Variants in PCNX1 observed in about 807,000 individuals in gnomAD.
PCNX1 encodes pecanex-like protein 1.
Under a neutral mutation model 242.2 loss-of-function variants are expected in PCNX1, and 78 were observed. The observed-to-expected ratio is 0.32, with a 90% CI of 0.27 to 0.39. The LOEUF is 0.39. PCNX1 is among the 10% of genes least tolerant of loss of function. The pLI is 1.00. For missense variants in PCNX1, 2,581 were observed against 2,856.5 expected (o/e 0.90, Z 2.20); for synonymous variants, 1,024 against 1,032.9 (o/e 0.99, Z 0.17).
rs979804164 is a variant in PCNX1, at chr14:71,035,115, G to T, written c.3775-950G>T. ...TAATTCAGCTACTTGGGAGACTAAG[G>T]CTGGAGGATCCCCTGAGCTCAGGGG... On this transcript the variant is annotated intron_variant, in intron 18 of 35. Transcript: ENST00000304743. Among the ~76,000 whole-genome samples, 14 of 152,134 alleles carry T rather than the reference G, an allele frequency of 9.2e-5. No individual in the cohort carries two copies. The East Asian group carries it at 2.3e-3, about 25-fold the overall frequency.
At chr14:71,035,034 C>T (rs1047825564) in intron 18 of PCNX1, among the ~76,000 whole-genome samples, 3 of 152,040 alleles carry the variant, frequency 2.0e-5, no homozygotes, top group Admixed American at 6.6e-5. Flanking sequence ...ATAAGTTATC[C>T]AAAGGGATAT....
Position 70,977,122 on chromosome 14 carries a change from A to G in PCNX1, c.785A>G (p.Glu262Gly), listed in dbSNP as rs2058711788. The G allele has an allele frequency of 1.2e-6, 2 of 1,614,196 alleles. No homozygotes were observed. Among genetic ancestry groups the G allele is most frequent in the Non-Finnish European group, 8.5e-7 (1 of 1,180,018 alleles). ...TCTCTGTCCAGCGCCTGTGACACAG[A>G]AGTAGCTTCTCTTGTACCTTTACAC... ...DQSLSSACDTEVASLVPLHSH... is the reference protein window; with the variant it reads ...DQSLSSACDTGVASLVPLHSH... Residue 262 changes from glutamate to glycine, a missense_variant, in exon 6 of 36, where the codon GAA becomes GGA. Glu to Gly is a moderately conservative substitution (Grantham distance 98). Transcript: ENST00000304743.
intron 7 of PCNX1, among the ~76,000 whole-genome samples, chr14:70,991,622 TTAAA>T (rs1413155467): frequency 2.6e-5 from 4 of 152,202 alleles, no homozygotes; most frequent in Non-Finnish European, 5.9e-5. Context: ...TGCATATATC[TTAAA>T]TAAGCTGATT....
At chr14:70,934,171 G>A (rs777422977) in intron 1 of PCNX1, among the ~76,000 whole-genome samples, 2 of 152,270 alleles carry the variant, frequency 1.3e-5, no homozygotes, top group African/African-American at 2.4e-5. Flanking sequence ...GATGCCAAGC[G>A]GCGTTTTCAA....
chr14:70,945,993 C>G (rs775854947), intron 1 of PCNX1, among the ~76,000 whole-genome samples: 1 of 152,220 alleles, frequency 6.6e-6, no homozygotes, highest in Non-Finnish European at 1.5e-5. Flanking sequence ...CCAGTAGTGA[C>G]TCTAGGCCTT....
At chr14:70,951,195 G>A (rs770367572) in intron 2 of PCNX1, among the ~76,000 whole-genome samples, 1 of 151,752 alleles carries the variant, frequency 6.6e-6, no homozygotes, top group African/African-American at 2.4e-5. Context: ...TTTTCATGTA[G>A]TATACTGTAT....
chr14:71,072,202 C>CA (rs940706533), intron 26 of PCNX1, among the ~76,000 whole-genome samples: 2 of 152,226 alleles, frequency 1.3e-5, no homozygotes, highest in Admixed American at 1.3e-4. Flanking sequence ...ACAAGGTTGT[C>CA]AAAAACCTTC....
At chr14:71,065,641 T>C (rs1382306669) in intron 26 of PCNX1, among the ~76,000 whole-genome samples, 1 of 152,242 alleles carries the variant, frequency 6.6e-6, no homozygotes, top group Non-Finnish European at 1.5e-5. Flanking sequence ...TTGTCTATTT[T>C]GGCTTTTGTT....
At chr14:71,020,172 C>T (rs2060062624) in intron 12 of PCNX1, among the ~76,000 whole-genome samples, 1 of 152,158 alleles carries the variant, frequency 6.6e-6, no homozygotes, top group Non-Finnish European at 1.5e-5. Flanking sequence ...TTTCTTTATC[C>T]AGTCTATCAT....
intron 19 of PCNX1, among the ~76,000 whole-genome samples, chr14:71,041,584 T>C (rs1474994187): frequency 6.6e-6 from 1 of 152,086 alleles, no homozygotes; most frequent in African/African-American, 2.4e-5. Flanking sequence ...TTTGGGTATT[T>C]CTTTCTTTTT....
chr14:70,996,378 A>G (rs2059351737), intron 8 of PCNX1, among the ~76,000 whole-genome samples: 1 of 152,196 alleles, frequency 6.6e-6, no homozygotes, highest in South Asian at 2.1e-4. Context: ...TATGTTCGTC[A>G]TCTGTAGTAG....
chr14:71,065,887 T>C (rs1048000167), intron 26 of PCNX1, among the ~76,000 whole-genome samples: 4 of 152,226 alleles, frequency 2.6e-5, no homozygotes, highest in Non-Finnish European at 2.9e-5. Context: ...TCCCCATTGC[T>C]TGTTTTTGTC....
rs1398602247 is a variant in PCNX1, at chr14:71,051,868, C to CT, written c.4448-14dup. The CT allele has an allele frequency of 2.5e-6, 4 of 1,609,324 alleles. No individual in the cohort carries two copies. In the African/African-American group the frequency reaches 5.4e-5, roughly 22 times the overall value. On this transcript the variant is annotated splice_polypyrimidine_tract_variant and intron_variant, in intron 23 of 35. Coordinates refer to ENST00000304743, the MANE Select transcript of PCNX1 (RefSeq NM_014982.3). Reference sequence around the variant, plus strand: ...CTCAGATGAATGTCAGTGTCCTTAACTAGTTTTCCCATAGATTCAGCCATG... The same window carrying CT: ...CTCAGATGAATGTCAGTGTCCTTAACTTAGTTTTCCCATAGATTCAGCCATG...
At chr14:70,942,363 T>A (rs1048959077) in intron 1 of PCNX1, among the ~76,000 whole-genome samples, 2 of 152,232 alleles carry the variant, frequency 1.3e-5, no homozygotes, top group Non-Finnish European at 2.9e-5. Flanking sequence ...GTAAATTTAG[T>A]ATTCATTTTT....
chr14:70,919,139 C>T (rs2056269173), intron 1 of PCNX1, among the ~76,000 whole-genome samples: 1 of 152,078 alleles, frequency 6.6e-6, no homozygotes, highest in South Asian at 2.1e-4. Flanking sequence ...CTGCCTCAGC[C>T]TCCAGAGTCA....
chr14:71,082,389 C>T lies in PCNX1; in HGVS notation c.5338-5941C>T, dbSNP rs150928946. Among the ~76,000 whole-genome samples, 1,265 of 152,204 alleles carry T rather than the reference C, an allele frequency of 8.3e-3. 10 individuals are homozygous for T. Among genetic ancestry groups the T allele is most frequent in the African/African-American group, 0.029 (1,191 of 41,518 alleles). ...TCTATTAGGTCTGCTTGGTCCAGAG[C>T]GGAGTTCAAGTCCTGAATATCCTTG... On this transcript the variant is annotated intron_variant, in intron 28 of 35. Coordinates refer to ENST00000304743, the MANE Select transcript of PCNX1 (RefSeq NM_014982.3).
Position 71,108,824 on chromosome 14 carries a change from A to G in PCNX1, c.6522A>G (p.Gln2174=), listed in dbSNP as rs1159528348. ...SIQSRLSMVN[Q]MEPSGQSGLA... is the part of the protein sequence containing the mutation. ...AATCCCGACTGTCGATGGTGAACCAAATGGAACCCTCAGGTCAGAGCGGCC... is the reference window on the plus strand; with the variant it reads ...AATCCCGACTGTCGATGGTGAACCAGATGGAACCCTCAGGTCAGAGCGGCC... The change falls in exon 34 of 36, where the codon CAA becomes CAG. Residue 2174 remains glutamine (Q), a synonymous_variant. Coordinates refer to ENST00000304743, the MANE Select transcript of PCNX1 (RefSeq NM_014982.3). 6 of 1,614,106 alleles carry G rather than the reference A, an allele frequency of 3.7e-6. No individual in the cohort carries two copies. Among genetic ancestry groups the G allele is most frequent in the African/African-American group, 1.3e-5 (1 of 74,938 alleles).
At chr14:71,074,773 C>T (rs759017299) in intron 27 of PCNX1, among the ~76,000 whole-genome samples, 1 of 152,098 alleles carries the variant, frequency 6.6e-6, no homozygotes, top group Non-Finnish European at 1.5e-5. Flanking sequence ...TTAGCGGTTA[C>T]CCCCTAGAAC....
intron 30 of PCNX1, among the ~76,000 whole-genome samples, chr14:71,090,712 C>A (rs371422250): frequency 6.6e-6 from 1 of 152,240 alleles, no homozygotes; most frequent in African/African-American, 2.4e-5. Context: ...AACTATGTAT[C>A]TGCTTTATAA....
Sources: gnomAD v4.1 joint callset for allele counts (sites outside exome capture counted in the v4.1 genomes callset) on GRCh38, gnomAD v4.1.1 for gene constraint, MANE v1.5 for transcripts, NCBI Gene and HGNC (gene_info 2026-07-23, HGNC 2026-07-21) for gene names.